Variants in FRMD6 observed in about 807,000 individuals in gnomAD.
FRMD6 encodes FERM domain containing 6.
In FRMD6, 37 loss-of-function variants were observed where a neutral mutation model predicts 73.2. That is an observed-to-expected ratio of 0.51 (90% confidence interval 0.39 to 0.66). FRMD6 has a LOEUF of 0.66. Among genes scored for constraint, FRMD6 ranks in the 30% least tolerant of loss-of-function variants. FRMD6 has a pLI of 0.00. For missense variants in FRMD6, 714 were observed against 780.5 expected (o/e 0.91, Z 1.02); for synonymous variants, 273 against 282.2 (o/e 0.97, Z 0.33).
At chr14:51,657,600 G>T (rs1892927561) in intron 1 of FRMD6, among the ~76,000 whole-genome samples, 1 of 152,090 alleles carries the variant, frequency 6.6e-6, no homozygotes, top group Admixed American at 6.6e-5. Context: ...CCATTTTGTT[G>T]GTGGATATTT....
At chr14:51,583,097 A>G (rs933429875) in intron 2 of FRMD6, among the ~76,000 whole-genome samples, 2 of 152,356 alleles carry the variant, frequency 1.3e-5, no homozygotes, top group East Asian at 1.9e-4. Flanking sequence ...TAAATCCATT[A>G]GAAATTCTCA....
intron 2 of FRMD6, among the ~76,000 whole-genome samples, chr14:51,578,635 G>T (rs575272094): frequency 6.6e-6 from 1 of 152,232 alleles, no homozygotes; most frequent in Non-Finnish European, 1.5e-5. Context: ...GCTTGCATTT[G>T]TTGAATGATG....
chr14:51,569,522 T>C (rs980031346), intron 1 of FRMD6, among the ~76,000 whole-genome samples: 1 of 149,428 alleles, frequency 6.7e-6, no homozygotes, highest in African/African-American at 2.5e-5. Context: ...TTTTTTTTTT[T>C]TTTCTGAATC....
chr14:51,709,284 G>A (rs1420649934), intron 7 of FRMD6, among the ~76,000 whole-genome samples: 1 of 152,130 alleles, frequency 6.6e-6, no homozygotes, highest in Non-Finnish European at 1.5e-5. Flanking sequence ...CATAGTTAAA[G>A]GGGACAGCAA....
the FRMD6 span, chr14:51,454,545 T>C: frequency 6.6e-6 from 1 of 152,202 alleles, no homozygotes; most frequent in African/African-American, 2.4e-5. Flanking sequence ...GCTTAGCCTA[T>C]GGGTTTGGCA....
the FRMD6 span, among the ~76,000 whole-genome samples, chr14:51,483,297 A>C: frequency 2.0e-5 from 3 of 152,250 alleles, no homozygotes; most frequent in South Asian, 6.2e-4. Flanking sequence ...CAAATGATGC[A>C]AGTACTTACA....
intron 2 of FRMD6, among the ~76,000 whole-genome samples, chr14:51,604,688 C>A (rs1171147062): frequency 6.6e-6 from 1 of 152,100 alleles, no homozygotes; most frequent in Non-Finnish European, 1.5e-5. Context: ...TTGGGTAGAA[C>A]AACGTCAACT....
At chr14:51,587,663 G>C (rs1358602326) in intron 2 of FRMD6, among the ~76,000 whole-genome samples, 3 of 152,088 alleles carry the variant, frequency 2.0e-5, no homozygotes, top group Non-Finnish European at 4.4e-5. Flanking sequence ...ATCTTACTAA[G>C]AGCTGATAAA....
At chr14:51,637,942 T>C (rs1195774929) in intron 2 of FRMD6, 1 of 152,174 alleles carries the variant, frequency 6.6e-6, no homozygotes, top group Non-Finnish European at 1.5e-5. Context: ...GGGACATTTA[T>C]TTGTGAGTTC....
At chr14:51,715,628 A>T (rs1421491393) in intron 10 of FRMD6, 129 bp downstream of exon 10, 2 of 656,210 alleles carry the variant, frequency 3.0e-6, no homozygotes, top group African/African-American at 1.8e-5. Flanking sequence ...TGAGAGCAGC[A>T]TTACTATTTA....
At chr14:51,526,104 G>C (rs140082484) in intron 1 of FRMD6, among the ~76,000 whole-genome samples, 335 of 152,298 alleles carry the variant, frequency 2.2e-3, no homozygotes, top group Non-Finnish European at 3.6e-3. Flanking sequence ...TTCTTAACAA[G>C]TCCTCGCCCA....
the FRMD6 span, among the ~76,000 whole-genome samples, chr14:51,400,606 G>A: frequency 6.6e-6 from 1 of 152,002 alleles, no homozygotes; most frequent in South Asian, 2.1e-4. Flanking sequence ...TTCCATTGGT[G>A]TATATACTAT....
At chr14:51,416,365 T>C in the FRMD6 span, among the ~76,000 whole-genome samples, 1,104 of 152,358 alleles carry the variant, frequency 7.2e-3, 14 homozygotes, top group African/African-American at 0.025. Context: ...TTTGTTCTTA[T>C]TGGTTTCAAA....
At chr14:51,523,442 C>A (rs577302519) in intron 1 of FRMD6, among the ~76,000 whole-genome samples, 1 of 152,144 alleles carries the variant, frequency 6.6e-6, no homozygotes, top group Non-Finnish European at 1.5e-5. Context: ...ACTGGGGCAA[C>A]GCTGAATAGA....
the FRMD6 span, among the ~76,000 whole-genome samples, chr14:51,445,049 A>G: frequency 6.6e-6 from 1 of 152,198 alleles, no homozygotes; most frequent in South Asian, 2.1e-4. Flanking sequence ...TATTTGTTCA[A>G]TGGACCCAGG....
chr14:51,469,620 A>G, the FRMD6 span, among the ~76,000 whole-genome samples: 84 of 34,578 alleles, frequency 2.4e-3, 1 homozygote, highest in Non-Finnish European at 1.9e-3. Context: ...TTCAAAAAGA[A>G]AAAAAAAAAA....
upstream of FRMD6, among the ~76,000 whole-genome samples, chr14:51,647,373 T>C (rs1892124437): frequency 6.6e-6 from 1 of 152,234 alleles, no homozygotes; most frequent in Non-Finnish European, 1.5e-5. Flanking sequence ...AAATGAATGA[T>C]AATCAATTTT....
the FRMD6 span, among the ~76,000 whole-genome samples, chr14:51,416,264 T>C: frequency 6.6e-6 from 1 of 152,228 alleles, no homozygotes; most frequent in Non-Finnish European, 1.5e-5. Context: ...ATTTTAGATC[T>C]TTCCTGCTTT....
At chr14:51,488,843 C>T (rs2140158133), upstream of FRMD6, among the ~76,000 whole-genome samples, 1 of 152,322 alleles carries the variant, frequency 6.6e-6, no homozygotes, top group Non-Finnish European at 1.5e-5. Flanking sequence ...GAGGTGGATG[C>T]CCTATGGATG....
Sources: gnomAD v4.1 joint callset for allele counts (sites outside exome capture counted in the v4.1 genomes callset) on GRCh38, gnomAD v4.1.1 for gene constraint, MANE v1.5 for transcripts, NCBI Gene and HGNC (gene_info 2026-07-23, HGNC 2026-07-21) for gene names.